The following GDNF variants were observed in gnomAD, a reference collection of about 807,000 sequenced individuals.
GDNF encodes glial cell derived neurotrophic factor, also known as glial cell line-derived neurotrophic factor.
In GDNF, 5 loss-of-function variants were observed where a neutral mutation model predicts 13.7. The observed-to-expected ratio is 0.36, with a 90% CI of 0.19 to 0.77. GDNF has a LOEUF of 0.77. Ranked by LOEUF, GDNF falls within the 30% of genes least tolerant of loss-of-function variation. The pLI, the probability that GDNF is intolerant of heterozygous loss-of-function variation, is 0.51. For synonymous variants in GDNF, 122 were observed against 112.5 expected (o/e 1.08, Z -0.53); for missense variants, 246 against 274.3 (o/e 0.90, Z 0.73).
At chr5:37,826,886 T>C (rs898217698) in intron 2 of GDNF, among the ~76,000 whole-genome samples, 10 of 152,194 alleles carry the variant, frequency 6.6e-5, no homozygotes, top group Admixed American at 1.3e-4. Context: ...GTGGGGCCTG[T>C]CCCAGGGATA....
chr5:37,820,603 A>G (rs550312392), intron 2 of GDNF, among the ~76,000 whole-genome samples: 1 of 152,304 alleles, frequency 6.6e-6, no homozygotes, highest in African/African-American at 2.4e-5. Flanking sequence ...TGATGTGTCA[A>G]TGTAGGTTCA....
At chr5:37,834,569 A>C in intron 2 of GDNF, 77 bp downstream of exon 2, 1 of 1,259,252 alleles carries the variant, frequency 7.9e-7, no homozygotes, top group Non-Finnish European at 1.1e-6. Flanking sequence ...GGCTTGGGGT[A>C]CGTGCGGGGC....
intron 2 of GDNF, among the ~76,000 whole-genome samples, chr5:37,816,817 G>A (rs1749948248): frequency 6.6e-6 from 1 of 152,142 alleles, no homozygotes; most frequent in Non-Finnish European, 1.5e-5. Context: ...GAACCATTCT[G>A]ACAGAACAAA....
At chr5:37,827,424 A>T (rs983415232) in intron 2 of GDNF, among the ~76,000 whole-genome samples, 1 of 152,264 alleles carries the variant, frequency 6.6e-6, no homozygotes, top group African/African-American at 2.4e-5. Context: ...ATGGTTCAGA[A>T]AAAAACGAGG....
chr5:37,821,442 T>G (rs1403338788), intron 2 of GDNF, among the ~76,000 whole-genome samples: 1 of 152,140 alleles, frequency 6.6e-6, no homozygotes, highest in Non-Finnish European at 1.5e-5. Flanking sequence ...GGAGCATCAT[T>G]AAAAAAATAA....
chr5:37,820,303 C>G (rs907849124), intron 2 of GDNF, among the ~76,000 whole-genome samples: 4 of 152,142 alleles, frequency 2.6e-5, no homozygotes, highest in African/African-American at 7.2e-5. Context: ...TGATATATAA[C>G]TTTTTATTAC....
At position 37,834,667 on chromosome 5, in the gene GDNF, G is replaced by C. The variant is rs1280687293; in HGVS notation, c.130C>G (p.Pro44Ala). ...EDRSLGRRRA[P>A]FALSSDSNMP... is the part of the protein sequence containing the mutation. ...TTACAGTCACTGCTCAGCGCGAAGG[G>C]CGCGCGGCGGCGGCCGAGGGAGCGG... The change falls in exon 2 of 3, where the codon CCC becomes GCC. Residue 44 changes from proline to alanine, a missense_variant. Transcript: ENST00000326524. The C allele has an allele frequency of 6.2e-7, 1 of 1,603,442 alleles. No homozygotes were observed. The highest frequency in any genetic ancestry group is 2.2e-5 in the East Asian group (1 of 44,516).
chr5:37,839,748 C>G lies in GDNF; in HGVS notation c.-268G>C, dbSNP rs1353214694. On this transcript the variant is annotated 5_prime_UTR_variant, in exon 1 of 3. Coordinates refer to ENST00000326524, the MANE Select transcript of GDNF (RefSeq NM_000514.4). This position sits in a 1 kb window ranked among gnomAD's most constrained non-coding sequence, Gnocchi z 5.5. Reference sequence around the variant, plus strand: ...CTGCCGGCAACTCTCCCGCCGGGCCCCCGCACCCCCAGAAGCCGAGGTCCG... The same window carrying G: ...CTGCCGGCAACTCTCCCGCCGGGCCGCCGCACCCCCAGAAGCCGAGGTCCG... 1 of 152,318 alleles carries G rather than the reference C, an allele frequency of 6.6e-6. No homozygotes were observed. Among genetic ancestry groups the G allele is most frequent in the African/African-American group, 2.4e-5 (1 of 41,560 alleles). The allele number at this position is 152,318 out of a possible 1,614,324, so 9.4% of individuals were successfully genotyped here.
chr5:37,816,453 C>T lies in GDNF; in HGVS notation c.152-318G>A, dbSNP rs72745197. 0.034 allele frequency among the ~76,000 whole-genome samples: 5,110 copies of T among 152,214 alleles called. 159 individuals carry two copies. The highest frequency in any genetic ancestry group is 0.079 in the African/African-American group (3,293 of 41,530). ...CATGCAGAGCTTGCTGTGAGCTGGCCAATCTTCTAGGGGCATTTTTCTTGC... is the reference window on the plus strand; with the variant it reads ...CATGCAGAGCTTGCTGTGAGCTGGCTAATCTTCTAGGGGCATTTTTCTTGC... On this transcript the variant is annotated intron_variant, in intron 2 of 2. Coordinates refer to ENST00000326524, the MANE Select transcript of GDNF (RefSeq NM_000514.4).
intron 2 of GDNF, among the ~76,000 whole-genome samples, chr5:37,820,731 C>T (rs1750107639): frequency 6.6e-6 from 1 of 152,004 alleles, no homozygotes; most frequent in African/African-American, 2.4e-5. Flanking sequence ...TTGCTGTGAA[C>T]CTAAAACTGC....
In GDNF at chr5:37,815,942, G is replaced by T. The variant is rs112722327; in HGVS notation, c.345C>A (p.Asn115Lys). 4 of 1,614,182 alleles carry T rather than the reference G, an allele frequency of 2.5e-6. No homozygotes were observed. Among genetic ancestry groups the T allele is most frequent in the African/African-American group, 1.3e-5 (1 of 75,046 alleles). Residue 115 changes from asparagine to lysine, a missense_variant, in exon 3 of 3, where the codon AAC becomes AAA. By Grantham distance (94) the Asn-to-Lys change is moderately conservative. Transcript: ENST00000326524. This position sits in a 1 kb window ranked among gnomAD's most constrained non-coding sequence, Gnocchi z 5.0. ...GKGRRGQRGK[N>K]RGCVLTAIHL... ...GTATTGCAGTTAAGACACAACCCCG[G>T]TTTTTGCCCCTCTGGCCTCTCCGAC... is the stretch of plus-strand genomic sequence containing the variant.
chr5:37,828,644 C>A (rs532148764), intron 2 of GDNF, among the ~76,000 whole-genome samples: 1 of 152,300 alleles, frequency 6.6e-6, no homozygotes, highest in Admixed American at 6.5e-5. Flanking sequence ...TCTGGCTTCA[C>A]CACTTACTAG....
chr5:37,817,189 T>C (rs1749963181), intron 2 of GDNF, among the ~76,000 whole-genome samples: 1 of 152,216 alleles, frequency 6.6e-6, no homozygotes, highest in African/African-American at 2.4e-5. Flanking sequence ...GGTGAAAGTA[T>C]AAATCAGCAG....
intron 2 of GDNF, among the ~76,000 whole-genome samples, chr5:37,820,559 A>C (rs1750099061): frequency 6.6e-6 from 1 of 152,180 alleles, no homozygotes. Flanking sequence ...ACCAAGAGTG[A>C]ACCCCAATGT....
At chr5:37,836,544 A>G (rs1750713630) in intron 1 of GDNF, among the ~76,000 whole-genome samples, 1 of 152,188 alleles carries the variant, frequency 6.6e-6, no homozygotes, top group African/African-American at 2.4e-5. Context: ...CAAACTCGGG[A>G]AAAAGCTAGG....
At chr5:37,829,165 T>C (rs1750431588) in intron 2 of GDNF, among the ~76,000 whole-genome samples, 2 of 152,252 alleles carry the variant, frequency 1.3e-5, no homozygotes, top group Non-Finnish European at 2.9e-5. Context: ...TTTCTAGAAC[T>C]TGGAGACTGG....
rs1485050607 is a variant in GDNF at position 37,838,671 on chromosome 5, C to T, written c.-27+836G>A. Among the ~76,000 whole-genome samples, 1 of 152,188 alleles carries T rather than the reference C, an allele frequency of 6.6e-6. No individual in the cohort carries two copies. Among genetic ancestry groups the T allele is most frequent in the Non-Finnish European group, 1.5e-5 (1 of 68,038 alleles). ...GTCCGTTTCCAGCCCGAAGAGGGTT[C>T]GTTTTTCTTCGTTGGGGCAGGAAAC... is the stretch of plus-strand genomic sequence containing the variant. On this transcript the variant is annotated intron_variant, in intron 1 of 2. Coordinates refer to ENST00000326524, the MANE Select transcript of GDNF (RefSeq NM_000514.4). This position sits in a 1 kb window ranked among gnomAD's most constrained non-coding sequence, Gnocchi z 4.1.
At chr5:37,823,947 G>C (rs1750224026) in intron 2 of GDNF, 1 of 480,056 alleles carries the variant, frequency 2.1e-6, no homozygotes, top group Admixed American at 6.4e-5. Context: ...TACCATCAGG[G>C]GCCCCATAAA....
intron 1 of GDNF, chr5:37,835,361 G>T: frequency 1.9e-6 from 2 of 1,046,334 alleles, no homozygotes; most frequent in Non-Finnish European, 2.6e-6. Flanking sequence ...CGGGCTTCTG[G>T]CTAGTCGAGG....
Sources: gnomAD v4.1 joint callset for allele counts (sites outside exome capture counted in the v4.1 genomes callset) on GRCh38, gnomAD v4.1.1 for gene constraint, Gnocchi (gnomAD v3.1) non-coding constraint, MANE v1.5 for transcripts, NCBI Gene and HGNC (gene_info 2026-07-23, HGNC 2026-07-21) for gene names.